NR4A3: variants seen among roughly 807,000 people sequenced by gnomAD.
NR4A3 encodes nuclear receptor subfamily 4 group A member 3.
In NR4A3, 13 loss-of-function variants were observed where a neutral mutation model predicts 55.6. The ratio of observed to expected loss-of-function variants is 0.23; its 90% CI spans 0.15 to 0.37. NR4A3 has a LOEUF of 0.37. Ranked by LOEUF, NR4A3 falls within the 10% of genes least tolerant of loss-of-function variation. The pLI is 1.00. For synonymous variants in NR4A3, 342 were observed against 357.9 expected (o/e 0.96, Z 0.50); for missense variants, 646 against 822.8 (o/e 0.79, Z 2.63).
At chr9:99,849,810 A>T (rs1401789729) in intron 7 of NR4A3, among the ~76,000 whole-genome samples, 1 of 152,218 alleles carries the variant, frequency 6.6e-6, no homozygotes, top group Non-Finnish European at 1.5e-5. Flanking sequence ...TTCAGAGATG[A>T]TAACACACAT....
intron 7 of NR4A3, among the ~76,000 whole-genome samples, chr9:99,857,358 C>G (rs1487366428): frequency 6.6e-6 from 1 of 152,172 alleles, no homozygotes; most frequent in Non-Finnish European, 1.5e-5. Context: ...TCACTAAGTG[C>G]TCACTATATG....
In NR4A3 at chr9:99,866,563, T is replaced by G. The variant is rs886403109; in HGVS notation, c.*2696T>G. On this transcript the variant is annotated 3_prime_UTR_variant, in exon 8 of 8. Coordinates refer to ENST00000395097, the MANE Select transcript of NR4A3 (RefSeq NM_006981.4). ...GTCATCTTATCAACTCAACTCCCTT[T>G]TTTTTGTCTTAATGTTGCACATAAG... The G allele has an allele frequency of 4.4e-6, 1 of 228,130 alleles. No homozygotes were observed. The highest frequency in any genetic ancestry group is 8.7e-6 in the Non-Finnish European group (1 of 114,624). 14.1% of individuals were successfully genotyped at this position (228,130 alleles called of 1,614,324 possible).
intron 5 of NR4A3, chr9:99,833,846 GC>G: frequency 7.8e-7 from 1 of 1,276,930 alleles, no homozygotes; most frequent in Non-Finnish European, 1.0e-6. Flanking sequence ...TTATTACTAA[GC>G]AGTTTATCCA....
intron 6 of NR4A3, among the ~76,000 whole-genome samples, chr9:99,846,086 A>G (rs1374973866): frequency 6.6e-6 from 1 of 152,228 alleles, no homozygotes; most frequent in Non-Finnish European, 1.5e-5. Context: ...TGCTCAGTAG[A>G]CACTTGGCTG....
intron 7 of NR4A3, among the ~76,000 whole-genome samples, chr9:99,853,227 C>T (rs905789188): frequency 6.6e-6 from 1 of 151,782 alleles, no homozygotes; most frequent in Non-Finnish European, 1.5e-5. Flanking sequence ...ATTTGTTTTA[C>T]ACACTTCCAT....
chr9:99,828,845 C>T lies in NR4A3; in HGVS notation c.803C>T (p.Ser268Phe), dbSNP rs780244829. The T allele has an allele frequency of 3.3e-6, 5 of 1,495,148 alleles. No individual in the cohort carries two copies. The East Asian group carries it at 1.4e-4, about 42-fold the overall frequency. 92.6% of individuals were successfully genotyped at this position (1,495,148 alleles called of 1,614,324 possible). The change falls in exon 3 of 8, where the codon TCC (serine) becomes TTC (phenylalanine). Residue 268 changes from serine (S) to phenylalanine (F), a missense_variant. By Grantham distance (155) the Ser-to-Phe change is radical. Around this residue, in one of 5 missense-constraint regions of NR4A3, gnomAD observed 426 missense variants for 429.4 expected, o/e 0.99. Coordinates refer to ENST00000395097, the MANE Select transcript of NR4A3 (RefSeq NM_006981.4). The surrounding 1 kb of genome is among the most constrained non-coding windows in gnomAD (Gnocchi z 7.7). ...GGCCTCACGCCCTCCCCTACCGCGT[C>T]CAGCCTGCTGGGCGAGAGTCCCAGC... ...PLGLTPSPTA[S>F]SLLGESPSLP...
chr9:99,862,323 T>C (rs988603033), intron 7 of NR4A3, among the ~76,000 whole-genome samples: 3 of 151,410 alleles, frequency 2.0e-5, no homozygotes, highest in African/African-American at 7.3e-5. Flanking sequence ...ATGGGAGGAT[T>C]ACTTGAGGTC....
chr9:99,848,454 C>T lies in NR4A3; in HGVS notation c.1633+839C>T, dbSNP rs545285842. Among the ~76,000 whole-genome samples the T allele has an allele frequency of 1.2e-4, 18 of 152,272 alleles. No homozygotes were observed. The East Asian group carries it at 2.5e-3, about 21-fold the overall frequency. ...CTGCCTCCTGGGTCCAAGCAATTCT[C>T]CTGTCTCACCCTCCTGAGTAGCTGG... On this transcript the variant is annotated intron_variant, in intron 7 of 7. Coordinates refer to ENST00000395097, the MANE Select transcript of NR4A3 (RefSeq NM_006981.4).
intron 5 of NR4A3, chr9:99,833,835 G>A: frequency 7.8e-7 from 1 of 1,284,068 alleles, no homozygotes; most frequent in Non-Finnish European, 1.0e-6. Flanking sequence ...TGAGCCTCAA[G>A]TTATTACTAA....
intron 2 of NR4A3, among the ~76,000 whole-genome samples, chr9:99,826,983 A>G (rs1827307640): frequency 6.6e-6 from 1 of 152,200 alleles, no homozygotes; most frequent in Non-Finnish European, 1.5e-5. Flanking sequence ...AAATAATTAG[A>G]TAAATCATCC....
At chr9:99,829,081 C>G in intron 3 of NR4A3, 88 bp downstream of exon 3, 12 of 1,239,806 alleles carry the variant, frequency 9.7e-6, no homozygotes, top group Non-Finnish European at 1.2e-5. Flanking sequence ...CTTGTTCTTC[C>G]CGGTTTGAGA....
intron 7 of NR4A3, among the ~76,000 whole-genome samples, chr9:99,861,625 A>G (rs1828010879): frequency 6.6e-6 from 1 of 152,208 alleles, no homozygotes; most frequent in Admixed American, 6.5e-5. Context: ...CCAAAGTGGG[A>G]GGAACTTCCC....
intron 2 of NR4A3, among the ~76,000 whole-genome samples, chr9:99,826,048 C>T (rs563458786): frequency 6.6e-6 from 1 of 152,354 alleles, no homozygotes; most frequent in South Asian, 2.1e-4. Flanking sequence ...ATTAAGCTTG[C>T]ATTGCTCAAA....
At chr9:99,843,541 A>C (rs1186216041) in intron 5 of NR4A3, among the ~76,000 whole-genome samples, 1 of 152,184 alleles carries the variant, frequency 6.6e-6, no homozygotes, top group Non-Finnish European at 1.5e-5. Flanking sequence ...TTGGTGGGCC[A>C]GGCACGGTGT....
At chr9:99,824,474 C>A (rs1827254014) in intron 1 of NR4A3, among the ~76,000 whole-genome samples, 1 of 152,216 alleles carries the variant, frequency 6.6e-6, no homozygotes, top group South Asian at 2.1e-4. Flanking sequence ...CGCGCTACAT[C>A]GAGCGCAAGC....
intron 5 of NR4A3, among the ~76,000 whole-genome samples, chr9:99,837,719 T>A (rs1299685655): frequency 6.6e-6 from 1 of 152,154 alleles, no homozygotes; most frequent in Non-Finnish European, 1.5e-5. Flanking sequence ...AAATAAGAAT[T>A]TGCCCTGTCA....
rs1827286470 is a variant in NR4A3, at chr9:99,825,840, C to T, written c.-3+8C>T. On this transcript the variant is annotated splice_region_variant and intron_variant, in intron 2 of 7. Coordinates refer to ENST00000395097, the MANE Select transcript of NR4A3 (RefSeq NM_006981.4). The surrounding 1 kb of genome is among the most constrained non-coding windows in gnomAD (Gnocchi z 5.0). ...GCGCAAGATACCCTCCAGGTAGGTC[C>T]GAAGGCAAGACCCTTTTCTCCTCCC... 5.7e-6 allele frequency: 1 copy of T among 175,144 alleles called. No homozygotes were observed. The allele number at this position is 175,144 out of a possible 1,614,324, so 10.8% of individuals were successfully genotyped here.
At position 99,828,698 on chromosome 9, in the gene NR4A3, C is replaced by G; in HGVS notation, c.656C>G (p.Ala219Gly). The stretch of plus-strand genomic sequence containing the variant: ...CTCGGCTACGACCCGACGGCCGCTG[C>G]CGCGCTCAGCCTGCCGCTGGGAGCC... ...HHLGYDPTAA[A>G]ALSLPLGAAA... Residue 219 changes from alanine (A) to glycine (G), a missense_variant, in exon 3 of 8, where the codon GCC becomes GGC. Around this residue, in one of 5 missense-constraint regions of NR4A3, gnomAD observed 426 missense variants for 429.4 expected, o/e 0.99. Coordinates refer to ENST00000395097, the MANE Select transcript of NR4A3 (RefSeq NM_006981.4). This position sits in a 1 kb window ranked among gnomAD's most constrained non-coding sequence, Gnocchi z 7.7. 7.6e-7 allele frequency: 1 copy of G among 1,317,496 alleles called. No homozygotes were observed. The highest frequency in any genetic ancestry group is 9.6e-7 in the Non-Finnish European group (1 of 1,040,114). The allele number at this position is 1,317,496 out of a possible 1,614,324, so 81.6% of individuals were successfully genotyped here. A position where few individuals can be genotyped will look rare whatever the true frequency, so the allele number is the denominator to read the frequency against.
chr9:99,832,629 G>T (rs1827466492), intron 3 of NR4A3, 60 bp from the exon 4 acceptor site: 1 of 1,349,756 alleles, frequency 7.4e-7, no homozygotes, highest in Non-Finnish European at 1.0e-6. Flanking sequence ...AATACATCTT[G>T]TCAGGTCCTA....
Sources: gnomAD v4.1 joint callset for allele counts (sites outside exome capture counted in the v4.1 genomes callset) on GRCh38, gnomAD v4.1.1 for gene constraint, gnomAD v4.1.1 regional missense constraint, Gnocchi (gnomAD v3.1) non-coding constraint, MANE v1.5 for transcripts, NCBI Gene and HGNC (gene_info 2026-07-23, HGNC 2026-07-21) for gene names.